The following THSD7A variants were observed in gnomAD, a reference collection of about 807,000 sequenced individuals.
THSD7A encodes the protein thrombospondin type 1 domain containing 7A, also known as thrombospondin type-1 domain-containing protein 7A.
A neutral mutation model predicts 231.3 loss-of-function variants in THSD7A; 96 were observed. That is an observed-to-expected ratio of 0.41 (90% confidence interval 0.35 to 0.49). The LOEUF is 0.49. Ranked by LOEUF, THSD7A falls within the 20% of genes least tolerant of loss-of-function variation. The pLI is 0.05. For synonymous variants in THSD7A, 940 were observed against 743.3 expected (o/e 1.26, Z -4.30); for missense variants, 2,290 against 2,070.2 (o/e 1.11, Z -2.06).
chr7:11,745,981 G>C (rs1412881359), intron 1 of THSD7A, among the ~76,000 whole-genome samples: 2 of 152,042 alleles, frequency 1.3e-5, no homozygotes, highest in Non-Finnish European at 2.9e-5. Context: ...ATTCTGTGAA[G>C]AAAGTCATTG....
At chr7:11,575,703 C>A (rs1054820736) in intron 4 of THSD7A, among the ~76,000 whole-genome samples, 1 of 152,146 alleles carries the variant, frequency 6.6e-6, no homozygotes. Context: ...ATTTCGAAGT[C>A]TATCCTTGGG....
intron 24 of THSD7A, among the ~76,000 whole-genome samples, chr7:11,381,005 G>C (rs1295205330): frequency 6.6e-6 from 1 of 152,060 alleles, no homozygotes; most frequent in Non-Finnish European, 1.5e-5. Flanking sequence ...AATATTATTT[G>C]CATCCATTAT....
In THSD7A at chr7:11,474,426, C is replaced by A; in HGVS notation, c.2160G>T (p.Thr720=). 1 of 1,613,572 alleles carries A rather than the reference C, an allele frequency of 6.2e-7. No individual in the cohort carries two copies. The highest frequency in any genetic ancestry group is 8.5e-7 in the Non-Finnish European group (1 of 1,179,614). Residue 720 remains threonine (T), a synonymous_variant, in exon 8 of 28, where the codon ACG becomes ACT. Transcript: ENST00000423059. The surrounding 1 kb of genome is among the most constrained non-coding windows in gnomAD (Gnocchi z 4.1). ...AGCAGGAGGCCTCCCCATTCCAAGT[C>A]GTAGTTGTGTTGAAGGACGATACTG... ...DTSVSSFNTT[T]TWNGEASCSV...
chr7:11,478,997 TA>T (rs1786314204), intron 7 of THSD7A, among the ~76,000 whole-genome samples: 1 of 152,170 alleles, frequency 6.6e-6, no homozygotes. Context: ...TGCTGATGCT[TA>T]AAATCGACAG....
rs1389852843 is a variant in THSD7A at position 11,803,767 on chromosome 7, T to C, written c.190+27990A>G. On this transcript the variant is annotated intron_variant, in intron 1 of 27. Coordinates refer to ENST00000423059, the MANE Select transcript of THSD7A (RefSeq NM_015204.3). Reference sequence around the variant, plus strand: ...ATCACCTGATGAGCTTTTAGAAAAATATATCAATGTCAGGTCCATTCCAAG... The same window carrying C: ...ATCACCTGATGAGCTTTTAGAAAAACATATCAATGTCAGGTCCATTCCAAG... 2.0e-5 allele frequency among the ~76,000 whole-genome samples: 3 copies of C among 152,102 alleles called. No individual in the cohort carries two copies. The East Asian group carries it at 5.8e-4, about 29-fold the overall frequency.
chr7:11,480,804 G>T (rs1009049300), intron 7 of THSD7A, among the ~76,000 whole-genome samples: 6 of 151,852 alleles, frequency 4.0e-5, no homozygotes, highest in African/African-American at 1.5e-4. Context: ...AATACTTCAT[G>T]AACAGAAAAA....
At chr7:11,419,929 A>G (rs894610478) in intron 16 of THSD7A, among the ~76,000 whole-genome samples, 19 of 152,184 alleles carry the variant, frequency 1.2e-4, no homozygotes, top group African/African-American at 3.9e-4. Flanking sequence ...CTTGAGAGAG[A>G]TGACTTAGGG....
chr7:11,770,365 C>A (rs1783182756), intron 1 of THSD7A, among the ~76,000 whole-genome samples: 1 of 151,958 alleles, frequency 6.6e-6, no homozygotes. Flanking sequence ...CTGGTTTAAT[C>A]CTAGGTTTGC....
At chr7:11,805,893 A>G (rs540550137) in intron 1 of THSD7A, among the ~76,000 whole-genome samples, 4 of 152,248 alleles carry the variant, frequency 2.6e-5, no homozygotes, top group South Asian at 2.1e-4. Flanking sequence ...GACTGTAACT[A>G]ATGGATAACT....
At chr7:11,502,716 C>G (rs1377511477) in intron 6 of THSD7A, among the ~76,000 whole-genome samples, 1 of 152,072 alleles carries the variant, frequency 6.6e-6, no homozygotes, top group Non-Finnish European at 1.5e-5. Context: ...AATTGCCACA[C>G]ACACACAAAA....
intron 1 of THSD7A, among the ~76,000 whole-genome samples, chr7:11,709,757 A>G (rs1780889767): frequency 6.6e-6 from 1 of 150,910 alleles, no homozygotes; most frequent in Non-Finnish European, 1.5e-5. Context: ...TATATTTAGA[A>G]GGTAAATCAT....
chr7:11,435,102 T>G (rs1196607922), intron 13 of THSD7A, among the ~76,000 whole-genome samples: 2 of 151,400 alleles, frequency 1.3e-5, no homozygotes, highest in East Asian at 1.9e-4. Flanking sequence ...TCAATATCAG[T>G]ATGAATGGCT....
At chr7:11,712,489 C>A (rs914111448) in intron 1 of THSD7A, among the ~76,000 whole-genome samples, 1 of 150,900 alleles carries the variant, frequency 6.6e-6, no homozygotes, top group African/African-American at 2.4e-5. Flanking sequence ...TGGAAAAGGT[C>A]GACATTTTGA....
chr7:11,630,735 G>C (rs1172794474), intron 2 of THSD7A, among the ~76,000 whole-genome samples: 1 of 152,164 alleles, frequency 6.6e-6, no homozygotes, highest in Non-Finnish European at 1.5e-5. Context: ...AACGAGATAG[G>C]TTCAAATGGA....
intron 2 of THSD7A, among the ~76,000 whole-genome samples, chr7:11,624,310 A>G (rs1781411250): frequency 1.3e-5 from 2 of 152,210 alleles, no homozygotes; most frequent in African/African-American, 4.8e-5. Context: ...CCTGTTTATG[A>G]ACATAATTTT....
intron 6 of THSD7A, among the ~76,000 whole-genome samples, chr7:11,528,241 A>G (rs190688950): frequency 3.7e-4 from 57 of 152,276 alleles, no homozygotes; most frequent in Admixed American, 7.2e-4. Context: ...AGTAATACCA[A>G]TGAATATCTT....
At chr7:11,619,028 AT>A (rs1781216222) in intron 2 of THSD7A, among the ~76,000 whole-genome samples, 1 of 152,048 alleles carries the variant, frequency 6.6e-6, no homozygotes, top group Non-Finnish European at 1.5e-5. Flanking sequence ...AAAAAAGTCT[AT>A]TTCCATTGTG....
chr7:11,409,510 G>T (rs139281794), intron 19 of THSD7A, among the ~76,000 whole-genome samples: 10 of 152,104 alleles, frequency 6.6e-5, no homozygotes, highest in African/African-American at 2.4e-4. Context: ...ACTCATATTC[G>T]ATGTAAGAAA....
At chr7:11,745,536 TGG>T (rs967410383) in intron 1 of THSD7A, among the ~76,000 whole-genome samples, 46 of 152,232 alleles carry the variant, frequency 3.0e-4, no homozygotes, top group African/African-American at 1.0e-3. Flanking sequence ...ATTTCCTGAA[TGG>T]TATTGCCTAG....
Sources: gnomAD v4.1 joint callset for allele counts (sites outside exome capture counted in the v4.1 genomes callset) on GRCh38, gnomAD v4.1.1 for gene constraint, Gnocchi (gnomAD v3.1) non-coding constraint, MANE v1.5 for transcripts, NCBI Gene and HGNC (gene_info 2026-07-23, HGNC 2026-07-21) for gene names.